The following SPNS3 variants were observed in gnomAD, a reference collection of about 807,000 sequenced individuals.
SPNS3 encodes the protein SPNS lysolipid transporter 3, sphingosine-1-phosphate (putative), also known as protein spinster homolog 3.
A neutral mutation model predicts 54.4 loss-of-function variants in SPNS3; 51 were observed. That is an observed-to-expected ratio of 0.94 (90% CI 0.75 to 1.18). The LOEUF is 1.18. Among genes scored for constraint, SPNS3 ranks in the 50% most tolerant of loss-of-function variants. The pLI, the probability that SPNS3 is intolerant of heterozygous loss-of-function variation, is 0.00. For missense variants in SPNS3, 669 were observed against 677.4 expected (o/e 0.99, Z 0.14); for synonymous variants, 309 against 294.7 (o/e 1.05, Z -0.50).
intron 7 of SPNS3, 98 bp downstream of exon 7, chr17:4,449,485 T>C: frequency 7.3e-7 from 1 of 1,363,056 alleles, no homozygotes; most frequent in South Asian, 1.5e-5. Flanking sequence ...TTTCTTGGGG[T>C]GGGGCATTTG....
At chr17:4,455,829 G>A (rs1173641133) in intron 8 of SPNS3, among the ~76,000 whole-genome samples, 2 of 152,168 alleles carry the variant, frequency 1.3e-5, no homozygotes. Flanking sequence ...CGCCCCTCAG[G>A]CTGTCCTGGT....
intron 1 of SPNS3, 60 bp from the exon 2 acceptor site, chr17:4,439,598 T>A: frequency 6.5e-7 from 1 of 1,540,850 alleles, no homozygotes; most frequent in Non-Finnish European, 8.9e-7. Context: ...CTGGAGCAGC[T>A]GCCTTTAGAG....
chr17:4,467,678 T>A (rs568349407), intron 8 of SPNS3, among the ~76,000 whole-genome samples: 84 of 152,344 alleles, frequency 5.5e-4, no homozygotes, highest in African/African-American at 1.8e-3. Flanking sequence ...TAAATTAATT[T>A]ATTTATTTAT....
Position 4,486,504 on chromosome 17 carries a change from C to T in SPNS3, c.1371C>T (p.Ile457=), listed in dbSNP as rs74710667. 2,257 of 1,613,644 alleles carry T rather than the reference C, an allele frequency of 1.4e-3. 16 individuals carry two copies. In the African/African-American group the frequency reaches 0.025, roughly 18 times the overall value. ...QQSFLCCAFV[I]ALGGGCFLLT... is the part of the protein sequence containing the mutation. Reference sequence around the variant, plus strand: ...GCTTCCTGTGCTGCGCCTTTGTCATCGCCCTGGGGGGCGGCTGCTTCCTGC... The same window carrying T: ...GCTTCCTGTGCTGCGCCTTTGTCATTGCCCTGGGGGGCGGCTGCTTCCTGC... Residue 457 remains isoleucine, a synonymous_variant, in exon 11 of 12, where the codon ATC becomes ATT. Coordinates refer to ENST00000355530, the MANE Select transcript of SPNS3 (RefSeq NM_182538.5). The surrounding 1 kb of genome is among the most constrained non-coding windows in gnomAD (Gnocchi z 5.5).
chr17:4,444,332 A>T (rs1029504495), intron 2 of SPNS3, among the ~76,000 whole-genome samples: 6 of 151,386 alleles, frequency 4.0e-5, no homozygotes, highest in African/African-American at 1.5e-4. Context: ...CTTGTGCCTC[A>T]TCCTCTCGAG....
chr17:4,458,457 CTTTCTTTCTTTCCAT>C (rs1971378904), intron 8 of SPNS3, among the ~76,000 whole-genome samples: 1 of 74,632 alleles, frequency 1.3e-5, no homozygotes, highest in African/African-American at 3.2e-5. Flanking sequence ...CTTCTTTCTT[CTTTCTTTCTTTCCAT>C]TTTCTTTCTT....
intron 2 of SPNS3, among the ~76,000 whole-genome samples, chr17:4,440,875 T>A (rs1229509050): frequency 1.3e-5 from 2 of 152,196 alleles, no homozygotes; most frequent in Admixed American, 6.6e-5. Flanking sequence ...CAGTGTCTAC[T>A]ATTTATCTAC....
intron 8 of SPNS3, among the ~76,000 whole-genome samples, chr17:4,468,118 T>C (rs1376706355): frequency 3.3e-5 from 5 of 152,078 alleles, no homozygotes; most frequent in African/African-American, 1.2e-4. Context: ...TTTAACAGGC[T>C]CTCTCTGGCT....
chr17:4,461,043 C>G (rs1470684015), intron 8 of SPNS3, among the ~76,000 whole-genome samples: 2 of 152,078 alleles, frequency 1.3e-5, no homozygotes, highest in Non-Finnish European at 2.9e-5. Flanking sequence ...TAGGTCAATT[C>G]AAATTTTCTA....
intron 5 of SPNS3, 57 bp from the exon 6 acceptor site, chr17:4,448,098 G>C: frequency 6.7e-7 from 1 of 1,486,550 alleles, no homozygotes; most frequent in South Asian, 1.4e-5. Context: ...GCCCCCGGGG[G>C]TCCCTTGGGC....
At chr17:4,472,945 T>C (rs2144177415) in intron 8 of SPNS3, among the ~76,000 whole-genome samples, 1 of 151,714 alleles carries the variant, frequency 6.6e-6, no homozygotes, top group East Asian at 1.9e-4. Flanking sequence ...CATGCCACCA[T>C]GCCTGGCTAA....
intron 8 of SPNS3, among the ~76,000 whole-genome samples, chr17:4,471,274 C>T (rs7211542): frequency 0.86 from 130,880 of 152,166 alleles, 56,659 homozygotes; most frequent in East Asian, 1. Flanking sequence ...AACAGTTTCA[C>T]ATTTAAGTAG....
Position 4,487,792 on chromosome 17 carries a change from C to T in SPNS3, c.1451-14C>T. ...TGCAACCTTCGGGCAGGCTGAGCAT[C>T]TTTCCTCCTGCAGGGACCCCAGACA... On this transcript the variant is annotated splice_polypyrimidine_tract_variant and intron_variant, in intron 11 of 11. Coordinates refer to ENST00000355530, the MANE Select transcript of SPNS3 (RefSeq NM_182538.5). 6.2e-7 allele frequency: 1 copy of T among 1,613,084 alleles called. No individual in the cohort carries two copies. The highest frequency in any genetic ancestry group is 8.5e-7 in the Non-Finnish European group (1 of 1,179,074).
intron 5 of SPNS3, 150 bp downstream of exon 5, chr17:4,447,112 G>T (rs2047231): frequency 1.0e-5 from 8 of 774,682 alleles, no homozygotes; most frequent in Admixed American, 2.1e-5. Flanking sequence ...TTGGACATGT[G>T]GGGCCTCATA....
At chr17:4,461,131 G>T (rs925927351) in intron 8 of SPNS3, among the ~76,000 whole-genome samples, 1 of 151,542 alleles carries the variant, frequency 6.6e-6, no homozygotes, top group Non-Finnish European at 1.5e-5. Context: ...TAATTTGTTG[G>T]CACACAATAG....
intron 1 of SPNS3, 61 bp downstream of exon 1, chr17:4,434,227 C>T: frequency 6.8e-7 from 1 of 1,476,828 alleles, no homozygotes; most frequent in Non-Finnish European, 9.3e-7. Context: ...CCAGGGGCTG[C>T]AGATCCATGG....
intron 1 of SPNS3, among the ~76,000 whole-genome samples, chr17:4,436,847 T>A (rs1174151361): frequency 1.3e-5 from 2 of 151,904 alleles, no homozygotes; most frequent in Non-Finnish European, 2.9e-5. Context: ...TGAGTTGGAG[T>A]GTGGGCCAAG....
At chr17:4,441,667 G>A (rs1387966910) in intron 2 of SPNS3, among the ~76,000 whole-genome samples, 1 of 151,932 alleles carries the variant, frequency 6.6e-6, no homozygotes, top group African/African-American at 2.4e-5. Flanking sequence ...CATGATCTCG[G>A]CTCACTGCAA....
chr17:4,470,352 C>G (rs1971822650), intron 8 of SPNS3, among the ~76,000 whole-genome samples: 1 of 152,092 alleles, frequency 6.6e-6, no homozygotes, highest in South Asian at 2.1e-4. Flanking sequence ...CGATTGAACT[C>G]AGGAGGCAGA....
Sources: gnomAD v4.1 joint callset for allele counts (sites outside exome capture counted in the v4.1 genomes callset) on GRCh38, gnomAD v4.1.1 for gene constraint, Gnocchi (gnomAD v3.1) non-coding constraint, MANE v1.5 for transcripts, NCBI Gene and HGNC (gene_info 2026-07-23, HGNC 2026-07-21) for gene names.